Variants in PDSS1 observed in about 807,000 individuals in gnomAD.
PDSS1 encodes the protein decaprenyl diphosphate synthase subunit 1.
Under a neutral mutation model 57.5 loss-of-function variants are expected in PDSS1, and 43 were observed. The ratio of observed to expected loss-of-function variants is 0.75; its 90% CI spans 0.59 to 0.96. The LOEUF is 0.96. Ranked by LOEUF, PDSS1 falls within the 50% of genes least tolerant of loss-of-function variation. PDSS1 has a pLI of 0.00. For missense variants in PDSS1, 438 were observed against 527.8 expected (o/e 0.83, Z 1.67); for synonymous variants, 175 against 191.3 (o/e 0.91, Z 0.70).
At chr10:26,703,800 C>T (rs759433176) in intron 2 of PDSS1, among the ~76,000 whole-genome samples, 5 of 151,764 alleles carry the variant, frequency 3.3e-5, no homozygotes, top group Non-Finnish European at 7.4e-5. Context: ...TTTAATATGG[C>T]GCCGGGCGCG....
chr10:26,744,219 G>A (rs926878565), intron 11 of PDSS1, among the ~76,000 whole-genome samples: 3 of 152,124 alleles, frequency 2.0e-5, no homozygotes, highest in Non-Finnish European at 4.4e-5. Context: ...TCAATGAATA[G>A]CAAAGATACT....
At chr10:26,709,045 C>G (rs1348758354) in intron 4 of PDSS1, among the ~76,000 whole-genome samples, 1 of 152,098 alleles carries the variant, frequency 6.6e-6, no homozygotes, top group Non-Finnish European at 1.5e-5. Context: ...TTTCTTCCAC[C>G]TCCTGCTGTC....
At chr10:26,742,640 A>G in intron 11 of PDSS1, 63 bp downstream of exon 11, 1 of 932,202 alleles carries the variant, frequency 1.1e-6, no homozygotes, top group Non-Finnish European at 1.8e-6. Flanking sequence ...CCTTTAATCC[A>G]AAAATGTAAC....
intron 5 of PDSS1, among the ~76,000 whole-genome samples, chr10:26,714,053 A>C (rs1172815971): frequency 6.6e-6 from 1 of 152,168 alleles, no homozygotes; most frequent in Non-Finnish European, 1.5e-5. Flanking sequence ...CAGTAATCCC[A>C]AGGGATAATC....
At chr10:26,728,036 G>A (rs1354595237) in intron 8 of PDSS1, among the ~76,000 whole-genome samples, 1 of 152,158 alleles carries the variant, frequency 6.6e-6, no homozygotes, top group African/African-American at 2.4e-5. Flanking sequence ...CCCATTACTG[G>A]TGATGCATGC....
intron 10 of PDSS1, 139 bp downstream of exon 10, chr10:26,735,718 T>C (rs1053676862): frequency 4.3e-6 from 3 of 705,040 alleles, no homozygotes; most frequent in Non-Finnish European, 7.9e-6. Context: ...CTGCATTTGA[T>C]CCTGGCTGAG....
At chr10:26,697,962 C>G in intron 1 of PDSS1, 122 bp downstream of exon 1, 1 of 934,394 alleles carries the variant, frequency 1.1e-6, no homozygotes, top group South Asian at 5.1e-5. Context: ...CGGGGTAGCT[C>G]CGGGGTAGCT....
chr10:26,722,601 G>A (rs1835824199), intron 6 of PDSS1, among the ~76,000 whole-genome samples: 1 of 151,962 alleles, frequency 6.6e-6, no homozygotes, highest in Non-Finnish European at 1.5e-5. Context: ...CTACTCATGA[G>A]GCTGAGGTGG....
At chr10:26,717,826 C>CA (rs1180790282) in intron 5 of PDSS1, 3 of 151,708 alleles carry the variant, frequency 2.0e-5, no homozygotes, top group African/African-American at 7.3e-5. Context: ...AATTCACTTG[C>CA]AAAAATATTC....
At chr10:26,723,705 C>T in intron 6 of PDSS1, 101 bp from the exon 7 acceptor site, 1 of 814,636 alleles carries the variant, frequency 1.2e-6, no homozygotes, top group Middle Eastern at 2.2e-4. Context: ...CCAAGATGAG[C>T]CCCCACTTCC....
At chr10:26,698,669 CACTGTT>C (rs1380863695) in intron 1 of PDSS1, among the ~76,000 whole-genome samples, 25 of 152,304 alleles carry the variant, frequency 1.6e-4, no homozygotes, top group African/African-American at 5.8e-4. Context: ...TCTATGGACT[CACTGTT>C]ACTTAAGTTT....
chr10:26,708,858 G>T (rs1588674248), intron 4 of PDSS1, among the ~76,000 whole-genome samples: 1 of 152,018 alleles, frequency 6.6e-6, no homozygotes, highest in Non-Finnish European at 1.5e-5. Flanking sequence ...AAACAACTTT[G>T]CCACCCTACC....
intron 10 of PDSS1, among the ~76,000 whole-genome samples, chr10:26,741,660 G>C (rs1288884932): frequency 6.6e-6 from 1 of 152,116 alleles, no homozygotes; most frequent in Non-Finnish European, 1.5e-5. Context: ...AATCAATTTA[G>C]AACTTAGAGT....
At chr10:26,739,585 C>T (rs1013575471) in intron 10 of PDSS1, among the ~76,000 whole-genome samples, 1 of 152,168 alleles carries the variant, frequency 6.6e-6, no homozygotes, top group Non-Finnish European at 1.5e-5. Context: ...ACCACACTTG[C>T]TGGTACTGTA....
intron 8 of PDSS1, among the ~76,000 whole-genome samples, chr10:26,733,648 T>C (rs1836291277): frequency 6.6e-6 from 1 of 152,108 alleles, no homozygotes; most frequent in Admixed American, 6.6e-5. Context: ...TATTTCTGGT[T>C]CCAGTGGATG....
At chr10:26,704,649 C>G in intron 2 of PDSS1, 28 bp from the exon 3 acceptor site, 1 of 939,842 alleles carries the variant, frequency 1.1e-6, no homozygotes, top group Non-Finnish European at 1.8e-6. Flanking sequence ...AATATTCTTA[C>G]AAGTTTCTTG....
chr10:26,717,481 C>T (rs1835627048), intron 5 of PDSS1, among the ~76,000 whole-genome samples: 1 of 152,254 alleles, frequency 6.6e-6, no homozygotes, highest in African/African-American at 2.4e-5. Flanking sequence ...ATCCTCCCGC[C>T]TCGGCGTCCC....
intron 4 of PDSS1, 76 bp from the exon 5 acceptor site, chr10:26,709,561 CA>C (rs879190851): frequency 0.034 from 35,168 of 1,027,012 alleles, 1 homozygote; most frequent in Non-Finnish European, 0.036. Context: ...AACTCCGTCT[CA>C]AAAAAAAAAA....
chr10:26,714,825 T>C (rs750753460), intron 5 of PDSS1: 1 of 152,042 alleles, frequency 6.6e-6, no homozygotes, highest in Non-Finnish European at 1.5e-5. Context: ...GTTTAGGGGG[T>C]CAAATTATTA....
Sources: allele counts gnomAD v4.1 joint callset (sites outside exome capture counted in the v4.1 genomes callset), GRCh38; gene constraint gnomAD v4.1.1; transcripts MANE v1.5; gene names NCBI Gene and HGNC (gene_info 2026-07-23, HGNC 2026-07-21).